Variants in RGL3 observed in about 807,000 individuals in gnomAD.
RGL3 encodes ral guanine nucleotide dissociation stimulator-like 3.
Under a neutral mutation model 90.6 loss-of-function variants are expected in RGL3, and 85 were observed. That is an observed-to-expected ratio of 0.94 (90% CI 0.79 to 1.12). The LOEUF (loss-of-function observed/expected upper bound fraction) is 1.12. Among genes scored for constraint, RGL3 ranks in the 50% most tolerant of loss-of-function variants. The probability of loss-of-function intolerance (pLI) is 0.00; values close to 1 mark genes in which losing one functional copy is unlikely to be tolerated. For missense variants in RGL3, 1,034 were observed against 939.2 expected (o/e 1.10, Z -1.32); for synonymous variants, 408 against 385.5 (o/e 1.06, Z -0.68).
In RGL3 at chr19:11,397,521, G is replaced by T. The variant is rs750883806; in HGVS notation, c.1823C>A (p.Ala608Glu). ...GACACGGGCCTCCGAGCTCTGCTGC[G>T]CCGGGAGGGGGATTCGAGGGCTGCC... is the stretch of plus-strand genomic sequence containing the variant. ...PLGSPRIPLP[A>E]QQSSEARVIR... Residue 608 changes from alanine (A) to glutamate (E), a missense_variant, in exon 17 of 19, where the codon GCG becomes GAG. Coordinates refer to ENST00000380456, the MANE Select transcript of RGL3 (RefSeq NM_001035223.4). The T allele has an allele frequency of 1.9e-6, 3 of 1,613,228 alleles. No individual in the cohort carries two copies. The highest frequency in any genetic ancestry group is 1.7e-5 in the Admixed American group (1 of 59,908).
At chr19:11,394,759 C>T (rs187736684) in intron 18 of RGL3, 13 of 453,102 alleles carry the variant, frequency 2.9e-5, no homozygotes, top group East Asian at 1.7e-4. Flanking sequence ...TAATATTCTC[C>T]CCCTCACCAT....
intron 5 of RGL3, among the ~76,000 whole-genome samples, chr19:11,407,381 A>G (rs1268408325): frequency 6.6e-6 from 1 of 152,076 alleles, no homozygotes; most frequent in South Asian, 2.1e-4. Flanking sequence ...CTGTGAGTCC[A>G]GTGAGGGAGG....
intron 13 of RGL3, among the ~76,000 whole-genome samples, chr19:11,400,623 G>A (rs1599431321): frequency 6.6e-6 from 1 of 151,824 alleles, no homozygotes; most frequent in South Asian, 2.1e-4. Context: ...AGGCTGAGGC[G>A]AGAGGATTGC....
intron 5 of RGL3, among the ~76,000 whole-genome samples, chr19:11,410,698 A>G (rs556775482): frequency 4.6e-5 from 7 of 151,790 alleles, no homozygotes; most frequent in Non-Finnish European, 1.0e-4. Flanking sequence ...CCCCACCCCA[A>G]AAAAAAGTGG....
intron 5 of RGL3, 59 bp from the exon 6 acceptor site, chr19:11,406,923 C>G: frequency 2.0e-6 from 3 of 1,535,038 alleles, no homozygotes; most frequent in South Asian, 2.3e-5. Flanking sequence ...GCTGTGTGAC[C>G]TTGGGTGAGT....
chr19:11,408,403 G>A (rs1968818204), intron 5 of RGL3, among the ~76,000 whole-genome samples: 1 of 151,980 alleles, frequency 6.6e-6, no homozygotes, highest in Non-Finnish European at 1.5e-5. Flanking sequence ...CCAACACGGT[G>A]AAACCCCGTC....
intron 2 of RGL3, 78 bp downstream of exon 2, chr19:11,418,593 G>T: frequency 8.8e-7 from 1 of 1,138,464 alleles, no homozygotes; most frequent in Non-Finnish European, 1.2e-6. Flanking sequence ...TGCACCTGGC[G>T]GCCTGTGCTC....
At chr19:11,402,318 T>G in intron 11 of RGL3, 71 bp from the exon 12 acceptor site, 1 of 1,601,014 alleles carries the variant, frequency 6.2e-7, no homozygotes, top group South Asian at 1.1e-5. Flanking sequence ...GGGGCTGGGA[T>G]GTCAGGAGCC....
rs1034522106 is a variant in RGL3 at position 11,402,291 on chromosome 19, G to A, written c.1330-44C>T. The A allele has an allele frequency of 1.9e-6, 3 of 1,611,536 alleles. No homozygotes were observed. The African/African-American group carries it at 4.0e-5, about 22-fold the overall frequency. ...TGAATTGCAGCACCCAGGGTCAAGG[G>A]TCAAGGGTCAAGGTCAGGGGCTGGG... On this transcript the variant is annotated intron_variant, in intron 11 of 18. Coordinates refer to ENST00000380456, the MANE Select transcript of RGL3 (RefSeq NM_001035223.4).
chr19:11,395,259 A>C (rs1968545363), intron 18 of RGL3, among the ~76,000 whole-genome samples: 1 of 151,646 alleles, frequency 6.6e-6, no homozygotes, highest in South Asian at 2.1e-4. Flanking sequence ...GAACTTGAAT[A>C]ACTTCCCACT....
intron 5 of RGL3, 101 bp downstream of exon 5, chr19:11,415,836 G>T: frequency 9.6e-7 from 1 of 1,045,418 alleles, no homozygotes; most frequent in Non-Finnish European, 1.4e-6. Context: ...TTAAAATCTT[G>T]CTTAAGTTTT....
Position 11,399,891 on chromosome 19 carries a change from G to A in RGL3, c.1710C>T (p.Pro570=), listed in dbSNP as rs369645825. Residue 570 remains proline (P), a synonymous_variant, in exon 16 of 19, where the codon CCC becomes CCT. Transcript: ENST00000380456. The part of the protein sequence containing the change: ...PRSRDAPAGS[P]PASPGPQGPS... ...GGCCCTGGGGCCCTGGAGAGGCCGGGGGACTGCCAGCAGGAGCATCTCTGC... is the reference window on the plus strand; with the variant it reads ...GGCCCTGGGGCCCTGGAGAGGCCGGAGGACTGCCAGCAGGAGCATCTCTGC... The A allele has an allele frequency of 7.9e-6, 12 of 1,519,502 alleles. No homozygotes were observed. In the East Asian group the frequency reaches 1.2e-4, roughly 15 times the overall value. 94.1% of individuals were successfully genotyped at this position (1,519,502 alleles called of 1,614,324 possible). A position where few individuals can be genotyped will look rare whatever the true frequency, so the allele number is the denominator to read the frequency against.
intron 5 of RGL3, among the ~76,000 whole-genome samples, chr19:11,412,430 T>C (rs1968890449): frequency 6.6e-6 from 1 of 152,224 alleles, no homozygotes; most frequent in African/African-American, 2.4e-5. Flanking sequence ...AGGTGATGGA[T>C]GTCTGAATGT....
rs369385756 is a variant in RGL3 at position 11,402,425 on chromosome 19, G to A, written c.1329+30C>T. ...ATTGTGCTGGGGGCAAGTGGAGCTG[G>A]GGTCAGGGGTCAAGGGTCAGGGGTC... On this transcript the variant is annotated intron_variant, in intron 11 of 18. Transcript: ENST00000380456. 6.9e-6 allele frequency: 11 copies of A among 1,588,908 alleles called. No homozygotes were observed. In the African/African-American group the frequency reaches 1.5e-4, roughly 21 times the overall value.
rs201798500 is a variant in RGL3 at position 11,406,549 on chromosome 19, G to T, written c.866C>A (p.Pro289His). ...RDRPGAAGAS[P>H]TVRATVAQFN... ...CTGGGCCACGGTGGCGCGCACAGTG[G>T]GGGAGGCGCCTGCAGCCCCCGGCCG... Residue 289 changes from proline (P) to histidine (H), a missense_variant, in exon 7 of 19, where the codon CCC (proline) becomes CAC (histidine). Physicochemically the swap from Pro to His is moderately conservative, Grantham distance 77. Coordinates refer to ENST00000380456, the MANE Select transcript of RGL3 (RefSeq NM_001035223.4). 19 of 1,550,016 alleles carry T rather than the reference G, an allele frequency of 1.2e-5. No individual in the cohort carries two copies. Among genetic ancestry groups the T allele is most frequent in the Non-Finnish European group, 1.7e-5 (19 of 1,147,798 alleles).
intron 13 of RGL3, 76 bp downstream of exon 13, chr19:11,401,935 G>A: frequency 6.7e-7 from 1 of 1,497,658 alleles, no homozygotes; most frequent in Non-Finnish European, 8.9e-7. Flanking sequence ...CTGGAGGTGT[G>A]TATGGAGTGG....
At chr19:11,406,990 A>ATTTT in intron 5 of RGL3, 126 bp from the exon 6 acceptor site, 5 of 765,478 alleles carry the variant, frequency 6.5e-6, no homozygotes, top group Non-Finnish European at 9.7e-6. Flanking sequence ...GCTCTCTTAA[A>ATTTT]TTTTTTTTTT....
chr19:11,399,709 TG>T, intron 16 of RGL3, 145 bp downstream of exon 16: 1 of 480,642 alleles, frequency 2.1e-6, no homozygotes, highest in Non-Finnish European at 3.6e-6. Flanking sequence ...ATCCCCTGGA[TG>T]GATACCCCGG....
chr19:11,399,294 C>A (rs767001095), intron 16 of RGL3, among the ~76,000 whole-genome samples: 31 of 151,428 alleles, frequency 2.0e-4, no homozygotes, highest in Non-Finnish European at 4.4e-4. Context: ...AGGCTGGGTG[C>A]GGTGGCTCAC....
Sources: gnomAD v4.1 joint callset for allele counts (sites outside exome capture counted in the v4.1 genomes callset) on GRCh38, gnomAD v4.1.1 for gene constraint, MANE v1.5 for transcripts, NCBI Gene and HGNC (gene_info 2026-07-23, HGNC 2026-07-21) for gene names.